DZIP1: variants seen among roughly 807,000 people sequenced by gnomAD.
The protein encoded by DZIP1 is DAZ interacting zinc finger protein 1.
A neutral mutation model predicts 107.6 loss-of-function variants in DZIP1; 97 were observed. The observed-to-expected ratio is 0.90, with a 90% CI of 0.77 to 1.07. The LOEUF (loss-of-function observed/expected upper bound fraction) is 1.07. Among genes scored for constraint, DZIP1 ranks in the 50% least tolerant of loss-of-function variants. The probability of loss-of-function intolerance (pLI) is 0.00; values close to 1 mark genes in which losing one functional copy is unlikely to be tolerated. For synonymous variants in DZIP1, 390 were observed against 386.4 expected (o/e 1.01, Z -0.11); for missense variants, 1,035 against 1,063.6 (o/e 0.97, Z 0.37).
At chr13:95,592,708 C>T (rs1418569339) in intron 16 of DZIP1, among the ~76,000 whole-genome samples, 1 of 152,114 alleles carries the variant, frequency 6.6e-6, no homozygotes, top group Non-Finnish European at 1.5e-5. Flanking sequence ...AGAAGAGCCC[C>T]AAAATAGACA....
chr13:95,595,026 G>A (rs533552735), intron 15 of DZIP1, among the ~76,000 whole-genome samples: 1 of 152,328 alleles, frequency 6.6e-6, no homozygotes, highest in Admixed American at 6.5e-5. Flanking sequence ...ACTGTCAAAA[G>A]CCTGATCTGG....
chr13:95,587,640 G>C lies in DZIP1; in HGVS notation c.2117C>G (p.Pro706Arg). The C allele has an allele frequency of 6.2e-7, 1 of 1,614,132 alleles. No homozygotes were observed. The highest frequency in any genetic ancestry group is 1.1e-5 in the South Asian group (1 of 91,070). ...ASPGPLPVPPPQNKGSFGKNT... is the reference protein window; with the variant it reads ...ASPGPLPVPPRQNKGSFGKNT... ...CTTCCCGAAGCTGCCCTTGTTTTGT[G>C]GTGGCGGCACAGGAAGTGGGCCTGG... The change falls in exon 20 of 23, where the codon CCA becomes CGA. Residue 706 changes from proline (P) to arginine (R), a missense_variant. By Grantham distance (103) the Pro-to-Arg change is moderately radical. Coordinates refer to ENST00000376829, the MANE Select transcript of DZIP1 (RefSeq NM_198968.4).
rs562914898 is a variant in DZIP1, at chr13:95,602,312, C to T, written c.1478-2888G>A. ...CATCCCGACATATTCACCTCCTACT[C>T]GGCTCAAATGGCCAAATGTCAGCTA... On this transcript the variant is annotated intron_variant, in intron 14 of 22. Coordinates refer to ENST00000376829, the MANE Select transcript of DZIP1 (RefSeq NM_198968.4). Among the ~76,000 whole-genome samples, 124 of 152,310 alleles carry T rather than the reference C, an allele frequency of 8.1e-4. 1 individual carries two copies. Among genetic ancestry groups the T allele is most frequent in the Non-Finnish European group, 6.8e-4 (46 of 68,028 alleles).
intron 6 of DZIP1, among the ~76,000 whole-genome samples, chr13:95,631,298 A>G (rs1243156318): frequency 6.6e-6 from 1 of 151,800 alleles, no homozygotes; most frequent in African/African-American, 2.4e-5. Context: ...CCCTACTAAG[A>G]AAAAAAAGAA....
chr13:95,629,317 A>G (rs78764051), intron 7 of DZIP1, among the ~76,000 whole-genome samples: 1,910 of 152,364 alleles, frequency 0.013, 36 homozygotes, highest in Middle Eastern at 0.054. Context: ...AACTCAATGA[A>G]TCATGGGCCT....
chr13:95,599,516 A>G (rs1031767827), intron 14 of DZIP1, 92 bp from the exon 15 acceptor site: 1 of 1,180,264 alleles, frequency 8.5e-7, no homozygotes, highest in Non-Finnish European at 1.3e-6. Context: ...ATATCATTCC[A>G]TGGTATTTTA....
At position 95,633,261 on chromosome 13, in the gene DZIP1, G is replaced by A. The variant is rs200781576; in HGVS notation, c.658C>T (p.Arg220Cys). Residue 220 changes from arginine (R) to cysteine (C), a missense_variant, in exon 6 of 23, where the codon CGC (arginine) becomes TGC (cysteine). By Grantham distance (180) the Arg-to-Cys change is radical. Coordinates refer to ENST00000376829, the MANE Select transcript of DZIP1 (RefSeq NM_198968.4). Reference sequence around the variant, plus strand: ...AAATGAGAATTTTCTTCAGTGTGGCGGCGTTGAATGTGACTTTGTAGAAAA... The same window carrying A: ...AAATGAGAATTTTCTTCAGTGTGGCAGCGTTGAATGTGACTTTGTAGAAAA... ...QAFLQSHIQR[R>C]HTEENSHFEY... 10 of 1,614,132 alleles carry A rather than the reference G, an allele frequency of 6.2e-6. No individual in the cohort carries two copies. The highest frequency in any genetic ancestry group is 6.8e-6 in the Non-Finnish European group (8 of 1,180,022).
rs183457592 is a variant in DZIP1, at chr13:95,616,953, A to G, written c.1173+2932T>C. 1.9e-3 allele frequency among the ~76,000 whole-genome samples: 288 copies of G among 152,224 alleles called. 2 individuals are homozygous for G. The highest frequency in any genetic ancestry group is 6.5e-3 in the African/African-American group (269 of 41,552). The stretch of plus-strand genomic sequence containing the variant: ...CCAGGCATGGTGGCTCACGCCTGTA[A>G]TCCTTGCACTTTGGGAGGCCGAGGC... On this transcript the variant is annotated intron_variant, in intron 10 of 22. Coordinates refer to ENST00000376829, the MANE Select transcript of DZIP1 (RefSeq NM_198968.4).
chr13:95,641,493 G>A lies in DZIP1; in HGVS notation c.399C>T (p.His133=). ...GCTGCGAGGTGAGGAACTCTTGTGA[G>A]TGCAGCAAGTACTCGATGGTGAACT... ...LAQFTIEYLL[H]SQEFLTSQLH... The change falls in exon 5 of 23, where the codon CAC becomes CAT. Residue 133 remains histidine, a synonymous_variant. Coordinates refer to ENST00000376829, the MANE Select transcript of DZIP1 (RefSeq NM_198968.4). The surrounding 1 kb of genome is among the most constrained non-coding windows in gnomAD (Gnocchi z 4.3). The A allele has an allele frequency of 6.2e-7, 1 of 1,614,090 alleles. No homozygotes were observed. Among genetic ancestry groups the A allele is most frequent in the East Asian group, 2.2e-5 (1 of 44,882 alleles).
chr13:95,599,905 C>T (rs548289774), intron 14 of DZIP1, among the ~76,000 whole-genome samples: 16 of 152,294 alleles, frequency 1.1e-4, no homozygotes, highest in East Asian at 3.9e-4. Context: ...AAAAGGGGAA[C>T]GACAGGCGAG....
rs184381103 is a variant in DZIP1 at position 95,611,075 on chromosome 13, T to C, written c.1363+370A>G. Reference sequence around the variant, plus strand: ...ACTGAGGCAGAGATTCACAAAGCTATGAAGTGCCAGAGATGGGAGTTGAAC... The same window carrying C: ...ACTGAGGCAGAGATTCACAAAGCTACGAAGTGCCAGAGATGGGAGTTGAAC... On this transcript the variant is annotated intron_variant, in intron 12 of 22. Coordinates refer to ENST00000376829, the MANE Select transcript of DZIP1 (RefSeq NM_198968.4). Among the ~76,000 whole-genome samples the C allele has an allele frequency of 6.6e-5, 10 of 152,344 alleles. No homozygotes were observed. In the East Asian group the frequency reaches 1.7e-3, roughly 26 times the overall value.
intron 12 of DZIP1, among the ~76,000 whole-genome samples, chr13:95,609,787 G>A (rs1594688412): frequency 6.6e-6 from 1 of 152,002 alleles, no homozygotes; most frequent in Admixed American, 6.6e-5. Context: ...GGAGTTAAAG[G>A]GAACAACAAC....
intron 12 of DZIP1, 55 bp downstream of exon 12, chr13:95,611,390 C>T (rs1393482878): frequency 1.4e-6 from 2 of 1,401,224 alleles, no homozygotes; most frequent in East Asian, 4.6e-5. Flanking sequence ...TTCTGAAGCC[C>T]AGTGCAATTG....
At chr13:95,630,684 A>C in intron 6 of DZIP1, 3 of 1,198,278 alleles carry the variant, frequency 2.5e-6, no homozygotes, top group Non-Finnish European at 3.2e-6. Context: ...CAACAAGTGA[A>C]AGGAAGAATA....
chr13:95,640,698 T>C (rs558364587), intron 5 of DZIP1, among the ~76,000 whole-genome samples: 4 of 152,238 alleles, frequency 2.6e-5, no homozygotes, highest in Non-Finnish European at 4.4e-5. Flanking sequence ...AATACTGTTA[T>C]GTAAGTGAAT....
Position 95,624,820 on chromosome 13 carries a change from A to G in DZIP1, c.920T>C (p.Met307Thr). The G allele has an allele frequency of 1.9e-6, 3 of 1,610,566 alleles. No individual in the cohort carries two copies. The highest frequency in any genetic ancestry group is 2.5e-6 in the Non-Finnish European group (3 of 1,177,620). The part of the protein sequence containing the change: ...LVDEMEKVKE[M>T]FMKEFKELTS... ...TAATTCTTTAAATTCCTTCATAAAC[A>G]TCTCCTTGACTTTTTCCATTTCATC... is the stretch of plus-strand genomic sequence containing the variant. The change falls in exon 8 of 23, where the codon ATG (methionine) becomes ACG (threonine). Residue 307 changes from methionine (M) to threonine (T), a missense_variant. Transcript: ENST00000376829.
intron 8 of DZIP1, among the ~76,000 whole-genome samples, chr13:95,624,229 C>A (rs993973537): frequency 3.9e-5 from 6 of 152,226 alleles, no homozygotes; most frequent in African/African-American, 1.4e-4. Context: ...CTTAGAAGGA[C>A]ACTGATTGAT....
chr13:95,588,946 C>T (rs973156614), intron 19 of DZIP1, among the ~76,000 whole-genome samples: 2 of 152,042 alleles, frequency 1.3e-5, no homozygotes, highest in African/African-American at 4.8e-5. Flanking sequence ...TAATGGAGTC[C>T]ACATGTGGTT....
intron 9 of DZIP1, among the ~76,000 whole-genome samples, chr13:95,621,405 C>T (rs1341889163): frequency 6.6e-6 from 1 of 152,172 alleles, no homozygotes; most frequent in African/African-American, 2.4e-5. Flanking sequence ...ACATGGTCAG[C>T]CTGACTGCAG....
Sources: gnomAD v4.1 joint callset for allele counts (sites outside exome capture counted in the v4.1 genomes callset) on GRCh38, gnomAD v4.1.1 for gene constraint, Gnocchi (gnomAD v3.1) non-coding constraint, MANE v1.5 for transcripts, NCBI Gene and HGNC (gene_info 2026-07-23, HGNC 2026-07-21) for gene names.